Variants in ZFHX4 observed in about 807,000 individuals in gnomAD.
ZFHX4 encodes the protein zinc finger homeobox protein 4.
Under a neutral mutation model 267.6 loss-of-function variants are expected in ZFHX4, and 56 were observed. That is an observed-to-expected ratio of 0.21 (90% CI 0.17 to 0.26). The LOEUF is 0.26. Ranked by LOEUF, ZFHX4 falls within the 10% of genes least tolerant of loss-of-function variation. The probability of loss-of-function intolerance (pLI) is 1.00; values close to 1 mark genes in which losing one functional copy is unlikely to be tolerated. For missense variants in ZFHX4, 4,332 were observed against 4,420.0 expected (o/e 0.98, Z 0.56); for synonymous variants, 1,778 against 1,665.6 (o/e 1.07, Z -1.64).
intron 1 of ZFHX4, among the ~76,000 whole-genome samples, chr8:76,698,608 G>A (rs1050911019): frequency 1.3e-5 from 2 of 151,780 alleles, no homozygotes; most frequent in African/African-American, 4.8e-5. Flanking sequence ...GGGAGAAGAA[G>A]ACTATCAATC....
rs753453648 is a variant in ZFHX4 at position 76,856,192 on chromosome 8, G to A, written c.9271G>A (p.Gly3091Ser). The A allele has an allele frequency of 1.9e-6, 3 of 1,613,932 alleles. No individual in the cohort carries two copies. The South Asian group carries it at 3.3e-5, about 18-fold the overall frequency. The change falls in exon 10 of 11, where the codon GGC (glycine) becomes AGC (serine). Residue 3091 changes from glycine (G) to serine (S), a missense_variant. By Grantham distance (56) the Gly-to-Ser change is moderately conservative (BLOSUM62 0). Transcript: ENST00000651372. ...CATGATGGACAGCAGTTCTCTCCACGGCATCAGCCTGCCAACAGCCTACCC... is the reference window on the plus strand; with the variant it reads ...CATGATGGACAGCAGTTCTCTCCACAGCATCAGCCTGCCAACAGCCTACCC... ...PGMMDSSSLH[G>S]ISLPTAYPGL... is the part of the protein sequence containing the mutation.
chr8:76,788,958 T>A (rs755041354), intron 4 of ZFHX4, among the ~76,000 whole-genome samples: 6 of 152,220 alleles, frequency 3.9e-5, no homozygotes, highest in African/African-American at 1.4e-4. Flanking sequence ...ATAAAATAGT[T>A]CATGAAAACA....
intron 4 of ZFHX4, among the ~76,000 whole-genome samples, chr8:76,813,245 A>T (rs768345159): frequency 6.6e-6 from 1 of 152,160 alleles, no homozygotes; most frequent in Non-Finnish European, 1.5e-5. Context: ...AATCTGTTCT[A>T]CTTGTGGATT....
intron 4 of ZFHX4, among the ~76,000 whole-genome samples, chr8:76,801,280 G>T (rs993516159): frequency 6.6e-6 from 1 of 152,068 alleles, no homozygotes; most frequent in East Asian, 1.9e-4. Context: ...CCAACCAAAA[G>T]GTTTAGCCTT....
rs113432843 is a variant in ZFHX4, at chr8:76,798,849, A to G, written c.3325+20410A>G. Among the ~76,000 whole-genome samples the G allele has an allele frequency of 7.4e-3, 1,121 of 152,296 alleles. 19 individuals are homozygous for G. The highest frequency in any genetic ancestry group is 0.024 in the African/African-American group (986 of 41,590). On this transcript the variant is annotated intron_variant, in intron 4 of 10. Transcript: ENST00000651372. ...TTAAATCAAAATTGCATAATCCATC[A>G]TAATGGAACCATACATTGACTAAGA... is the stretch of plus-strand genomic sequence containing the variant.
At chr8:76,740,982 G>A (rs892434037) in intron 3 of ZFHX4, among the ~76,000 whole-genome samples, 1 of 152,136 alleles carries the variant, frequency 6.6e-6, no homozygotes, top group African/African-American at 2.4e-5. Context: ...ATTAATTAAA[G>A]GAGGATGAGA....
chr8:76,855,077 A>T lies in ZFHX4; in HGVS notation c.8156A>T (p.Asp2719Val). 2 of 1,613,914 alleles carry T rather than the reference A, an allele frequency of 1.2e-6. No individual in the cohort carries two copies. The highest frequency in any genetic ancestry group is 1.7e-6 in the Non-Finnish European group (2 of 1,179,860). The change falls in exon 10 of 11, where the codon GAT (aspartate) becomes GTT (valine). Residue 2719 changes from aspartate (D) to valine (V), a missense_variant. Physicochemically the swap from Asp to Val is radical, Grantham distance 152. This residue lies in a region of ZFHX4 where 1,648 missense variants were observed against 1,625.0 expected (regional missense o/e 1.01). Transcript: ENST00000651372. ...CCAAGCCCTTTAATATCCACCGAAGATGGGGGAGAAAGCCCACAGAAATAC... is the reference window on the plus strand; with the variant it reads ...CCAAGCCCTTTAATATCCACCGAAGTTGGGGGAGAAAGCCCACAGAAATAC... ...LPPSPLISTE[D>V]GGESPQKYIY...
chr8:76,688,360 G>A (rs1807744231), intron 1 of ZFHX4, among the ~76,000 whole-genome samples: 1 of 152,104 alleles, frequency 6.6e-6, no homozygotes, highest in African/African-American at 2.4e-5. Flanking sequence ...AATGTTAAGT[G>A]TTTTAAGTGG....
chr8:76,763,550 G>C (rs1809973119), intron 3 of ZFHX4, among the ~76,000 whole-genome samples: 1 of 152,110 alleles, frequency 6.6e-6, no homozygotes, highest in Non-Finnish European at 1.5e-5. Context: ...TTGAGACAAG[G>C]AAGTTGAGGC....
intron 3 of ZFHX4, among the ~76,000 whole-genome samples, chr8:76,754,294 C>T (rs536508617): frequency 4.6e-5 from 7 of 152,074 alleles, no homozygotes; most frequent in Admixed American, 1.3e-4. Flanking sequence ...TTGAGACCAG[C>T]CTGGCCAACG....
rs1443267875 is a variant in ZFHX4 at position 76,849,655 on chromosome 8, G to A, written c.3789G>A (p.Leu1263=). The A allele has an allele frequency of 6.2e-7, 1 of 1,613,762 alleles. No individual in the cohort carries two copies. The highest frequency in any genetic ancestry group is 2.2e-5 in the East Asian group (1 of 44,852). The stretch of plus-strand genomic sequence containing the variant: ...TCAGCAACAAAATGCATCTCCAACT[G>A]CATCTGACGCATTTGCACAGTGTGT... ...DVLSNKMHLQ[L]HLTHLHSVSP... Residue 1263 remains leucine, a synonymous_variant, in exon 8 of 11, where the codon CTG becomes CTA. Transcript: ENST00000651372.
At chr8:76,719,444 T>C in intron 3 of ZFHX4, among the ~76,000 whole-genome samples, 1 of 151,986 alleles carries the variant, frequency 6.6e-6, no homozygotes, top group South Asian at 2.1e-4. Flanking sequence ...GAGAACAGGA[T>C]ATGATTTGCT....
chr8:76,775,440 G>A (rs1427420142), intron 3 of ZFHX4, among the ~76,000 whole-genome samples: 1 of 152,160 alleles, frequency 6.6e-6, no homozygotes, highest in African/African-American at 2.4e-5. Context: ...TAATGACCCT[G>A]ACTCTGTGCC....
intron 3 of ZFHX4, among the ~76,000 whole-genome samples, chr8:76,725,157 T>C (rs1808820122): frequency 1.3e-5 from 2 of 152,114 alleles, no homozygotes; most frequent in South Asian, 2.1e-4. Flanking sequence ...AAATACAATA[T>C]TGAATACAGA....
At chr8:76,794,872 A>AT (rs1056142602) in intron 4 of ZFHX4, among the ~76,000 whole-genome samples, 107 of 133,062 alleles carry the variant, frequency 8.0e-4, no homozygotes, top group African/African-American at 3.3e-3. Context: ...CTGGCCTGTC[A>AT]TTGTGTGTGT....
intron 3 of ZFHX4, among the ~76,000 whole-genome samples, chr8:76,777,228 A>G (rs1243002178): frequency 2.0e-5 from 3 of 152,154 alleles, no homozygotes; most frequent in African/African-American, 7.2e-5. Context: ...ATGGGGGAAA[A>G]GTTTTTTTAA....
rs1809210661 is a variant in ZFHX4, at chr8:76,738,000, TA to T, written c.3093+29955del. 3.3e-5 allele frequency among the ~76,000 whole-genome samples: 5 copies of T among 152,284 alleles called. No individual in the cohort carries two copies. In the South Asian group the frequency reaches 1.0e-3, roughly 32 times the overall value. On this transcript the variant is annotated intron_variant, in intron 3 of 10. Coordinates refer to ENST00000651372, the MANE Select transcript of ZFHX4 (RefSeq NM_024721.5). ...GAACAGTGTGGCATTAATTCTTAAATAAAGAGAACAAATATTTTTATTTTTT... is the reference window on the plus strand; with the variant it reads ...GAACAGTGTGGCATTAATTCTTAAATAAGAGAACAAATATTTTTATTTTTT...
chr8:76,744,798 T>A (rs570287733), intron 3 of ZFHX4, among the ~76,000 whole-genome samples: 2 of 152,206 alleles, frequency 1.3e-5, no homozygotes, highest in Non-Finnish European at 2.9e-5. Context: ...CTTACAAGTA[T>A]GTAGTCATCC....
chr8:76,861,019 C>G (rs914928433), intron 10 of ZFHX4, among the ~76,000 whole-genome samples: 4 of 152,016 alleles, frequency 2.6e-5, no homozygotes, highest in African/African-American at 9.7e-5. Flanking sequence ...TCACAGTTTT[C>G]CCTAGGGCTA....
Sources: gnomAD v4.1 joint callset for allele counts (sites outside exome capture counted in the v4.1 genomes callset) on GRCh38, gnomAD v4.1.1 for gene constraint, gnomAD v4.1.1 regional missense constraint, MANE v1.5 for transcripts, NCBI Gene and HGNC (gene_info 2026-07-23, HGNC 2026-07-21) for gene names.